Variants in CADM2 observed in about 807,000 individuals in gnomAD.
CADM2 encodes the protein cell adhesion molecule 2.
A neutral mutation model predicts 49.8 loss-of-function variants in CADM2; 12 were observed. The ratio of observed to expected loss-of-function variants is 0.24; its 90% CI spans 0.15 to 0.39. The LOEUF is 0.39. Ranked by LOEUF, CADM2 falls within the 10% of genes least tolerant of loss-of-function variation. CADM2 has a pLI of 1.00. For synonymous variants in CADM2, 214 were observed against 175.4 expected (o/e 1.22, Z -1.74); for missense variants, 378 against 492.3 (o/e 0.77, Z 2.20).
intron 1 of CADM2, among the ~76,000 whole-genome samples, chr3:84,965,600 G>A (rs1362569178): frequency 2.0e-5 from 3 of 152,096 alleles, no homozygotes; most frequent in Non-Finnish European, 2.9e-5. Flanking sequence ...AAACTATCGG[G>A]AACATAGGTC....
intron 3 of CADM2, among the ~76,000 whole-genome samples, chr3:85,862,149 A>G (rs2108325294): frequency 6.6e-6 from 1 of 152,294 alleles, no homozygotes; most frequent in African/African-American, 2.4e-5. Context: ...AACTTTCTTT[A>G]GCTAATGATG....
At chr3:85,749,358 G>A (rs1355210762) in intron 2 of CADM2, among the ~76,000 whole-genome samples, 1 of 151,828 alleles carries the variant, frequency 6.6e-6, no homozygotes, top group Non-Finnish European at 1.5e-5. Flanking sequence ...ATAGTTATAT[G>A]AGTTTCATTT....
intron 1 of CADM2, among the ~76,000 whole-genome samples, chr3:85,484,913 C>T (rs754058764): frequency 2.0e-5 from 3 of 151,858 alleles, no homozygotes; most frequent in Non-Finnish European, 4.4e-5. Flanking sequence ...CGGAGACAGG[C>T]ATTCATTTTC....
chr3:85,167,633 G>A (rs1172917367), intron 1 of CADM2, among the ~76,000 whole-genome samples: 1 of 152,046 alleles, frequency 6.6e-6, no homozygotes, highest in Non-Finnish European at 1.5e-5. Context: ...CCCTTAACCA[G>A]TGTGTTATAC....
chr3:85,659,605 A>T (rs1166956651), intron 1 of CADM2, among the ~76,000 whole-genome samples: 1 of 152,174 alleles, frequency 6.6e-6, no homozygotes, highest in African/African-American at 2.4e-5. Context: ...AGAATTCCAG[A>T]TAAAGCTCTC....
chr3:85,735,242 T>C (rs1189316471), intron 2 of CADM2, among the ~76,000 whole-genome samples: 1 of 152,048 alleles, frequency 6.6e-6, no homozygotes, highest in Non-Finnish European at 1.5e-5. Context: ...TTTGAGTCGG[T>C]AGACCAGGAA....
chr3:84,996,420 G>T (rs763099328), intron 1 of CADM2, among the ~76,000 whole-genome samples: 3 of 151,924 alleles, frequency 2.0e-5, no homozygotes, highest in African/African-American at 4.8e-5. Context: ...TTTTATTATG[G>T]TGTATACTCT....
chr3:85,044,244 G>T (rs577147221), intron 1 of CADM2, among the ~76,000 whole-genome samples: 1 of 152,158 alleles, frequency 6.6e-6, no homozygotes, highest in African/African-American at 2.4e-5. Flanking sequence ...CCTATTAGGA[G>T]CAGTTGGCCA....
chr3:85,303,996 A>G (rs2044159473), intron 1 of CADM2, among the ~76,000 whole-genome samples: 1 of 151,926 alleles, frequency 6.6e-6, no homozygotes, highest in Admixed American at 6.6e-5. Flanking sequence ...CTCCACATAC[A>G]AAAGTCTTAG....
intron 2 of CADM2, among the ~76,000 whole-genome samples, chr3:85,784,379 G>A (rs1475685134): frequency 2.0e-5 from 3 of 147,378 alleles, no homozygotes; most frequent in Non-Finnish European, 4.5e-5. Flanking sequence ...CTTTGAAAGA[G>A]GAATTTTAGT....
chr3:85,020,683 C>A (rs2034459085), intron 1 of CADM2, among the ~76,000 whole-genome samples: 1 of 151,922 alleles, frequency 6.6e-6, no homozygotes, highest in East Asian at 1.9e-4. Context: ...TAACACATAT[C>A]ACCTTAAAAT....
chr3:85,455,907 G>A (rs1391585175), intron 1 of CADM2, among the ~76,000 whole-genome samples: 1 of 152,130 alleles, frequency 6.6e-6, no homozygotes, highest in African/African-American at 2.4e-5. Context: ...GCTTCATGAT[G>A]ACAAAGAGTA....
At chr3:85,551,642 A>G (rs1332610407) in intron 1 of CADM2, among the ~76,000 whole-genome samples, 1 of 152,204 alleles carries the variant, frequency 6.6e-6, no homozygotes, top group African/African-American at 2.4e-5. Context: ...TTGTTAAAAT[A>G]TATGTACAGA....
intron 1 of CADM2, among the ~76,000 whole-genome samples, chr3:85,706,816 C>T (rs1266211118): frequency 6.6e-6 from 1 of 152,026 alleles, no homozygotes; most frequent in East Asian, 1.9e-4. Flanking sequence ...TTAAAATGTA[C>T]TCATTATTTG....
chr3:86,035,273 C>T (rs1481403791), intron 8 of CADM2, among the ~76,000 whole-genome samples: 19 of 151,964 alleles, frequency 1.3e-4, no homozygotes. Flanking sequence ...TATTAATCAT[C>T]TTCATTCTCC....
chr3:85,792,282 T>C (rs1199516271), intron 2 of CADM2, among the ~76,000 whole-genome samples: 1 of 152,244 alleles, frequency 6.6e-6, no homozygotes, highest in Non-Finnish European at 1.5e-5. Context: ...GACAAATATA[T>C]GCCAAAATGA....
chr3:85,037,870 A>G (rs972961210), intron 1 of CADM2, among the ~76,000 whole-genome samples: 4 of 152,000 alleles, frequency 2.6e-5, no homozygotes, highest in African/African-American at 9.7e-5. Context: ...TTTCTTTTCA[A>G]TATACTTTCT....
intron 1 of CADM2, among the ~76,000 whole-genome samples, chr3:84,999,589 T>TA (rs1370908521): frequency 8.5e-5 from 13 of 152,096 alleles, no homozygotes; most frequent in Non-Finnish European, 1.9e-4. Context: ...AAATAGACCT[T>TA]AAAAAGGACA....
intron 2 of CADM2, among the ~76,000 whole-genome samples, chr3:85,785,385 A>G (rs1292544312): frequency 3.3e-5 from 5 of 152,142 alleles, no homozygotes; most frequent in Admixed American, 2.6e-4. Context: ...TTAAGCATGA[A>G]TACTGAGACT....
Sources: allele counts gnomAD v4.1 joint callset (sites outside exome capture counted in the v4.1 genomes callset), GRCh38; gene constraint gnomAD v4.1.1; transcripts MANE v1.5; gene names NCBI Gene and HGNC (gene_info 2026-07-23, HGNC 2026-07-21).